Variants in DPP7 observed in about 807,000 individuals in gnomAD.
DPP7 encodes the protein dipeptidyl peptidase 2.
A neutral mutation model predicts 58.8 loss-of-function variants in DPP7; 74 were observed. That is an observed-to-expected ratio of 1.26 (90% CI 1.04 to 1.53). The LOEUF (loss-of-function observed/expected upper bound fraction) is 1.53, where lower values mean the gene tolerates loss of function less well. DPP7 is among the 40% of genes most tolerant of loss of function. The probability of loss-of-function intolerance (pLI) is 0.00; values close to 1 mark genes in which losing one functional copy is unlikely to be tolerated. For missense variants in DPP7, 807 were observed against 692.3 expected (o/e 1.17, Z -1.86); for synonymous variants, 350 against 303.6 (o/e 1.15, Z -1.59).
At position 137,112,250 on chromosome 9, in the gene DPP7, G is replaced by A; in HGVS notation, c.932-20C>T. 1 of 1,584,926 alleles carries A rather than the reference G, an allele frequency of 6.3e-7. No homozygotes were observed. The highest frequency in any genetic ancestry group is 1.1e-5 in the South Asian group (1 of 89,502). On this transcript the variant is annotated intron_variant, in intron 8 of 12. Transcript: ENST00000371579. ...CCAGCCCTGGGGAGGAGAGGCGCTG[G>A]GGCCCAGCGGCCACACACAGACACA...
upstream of DPP7, among the ~76,000 whole-genome samples, chr9:137,115,875 C>CT (rs960640609): frequency 2.0e-5 from 3 of 152,116 alleles, no homozygotes; most frequent in African/African-American, 7.2e-5. Context: ...CCGGGGCCCC[C>CT]GCAGGACGGG....
rs751927473 is a variant in DPP7, at chr9:137,112,150, A to T, written c.1012T>A (p.Cys338Ser). ...GCCCTGGCGTCGGGGCCGGTGCCGC[A>T]GCCAGTGGGGTCAGCACAGCTGTGG... ...LYHSCADPTGCGTGPDARAWD... is the reference protein window; with the variant it reads ...LYHSCADPTGSGTGPDARAWD... Residue 338 changes from cysteine to serine, a missense_variant, in exon 9 of 13, where the codon TGC becomes AGC. Around this residue, in one of 3 missense-constraint regions of DPP7, gnomAD observed 624 missense variants for 531.2 expected, o/e 1.17. Transcript: ENST00000371579. 2 of 1,610,268 alleles carry T rather than the reference A, an allele frequency of 1.2e-6. No individual in the cohort carries two copies. Among genetic ancestry groups the T allele is most frequent in the South Asian group, 2.2e-5 (2 of 91,054 alleles).
chr9:137,116,319 CAT>C (rs1019434714), upstream of DPP7, among the ~76,000 whole-genome samples: 2 of 152,212 alleles, frequency 1.3e-5, no homozygotes, highest in Admixed American at 1.3e-4. Flanking sequence ...CCCACAGAAA[CAT>C]ATGCTGTATG....
At position 137,114,504 on chromosome 9, in the gene DPP7, C is replaced by T; in HGVS notation, c.140G>A (p.Arg47His). 1.9e-6 allele frequency: 3 copies of T among 1,585,042 alleles called. No individual in the cohort carries two copies. The highest frequency in any genetic ancestry group is 1.9e-4 in the Middle Eastern group (1 of 5,148). Residue 47 changes from arginine (R) to histidine (H), a missense_variant, in exon 2 of 13, where the codon CGC (arginine) becomes CAC (histidine). By Grantham distance (29) the Arg-to-His change is conservative (BLOSUM62 0). Around this residue, in one of 3 missense-constraint regions of DPP7, gnomAD observed 168 missense variants for 124.1 expected, o/e 1.35. Coordinates refer to ENST00000371579, the MANE Select transcript of DPP7 (RefSeq NM_013379.3). The part of the protein sequence containing the change: ...QQRLDHFNFE[R>H]FGNKTFPQRF... Reference sequence around the variant, plus strand: ...CTGAGGGAAGGTCTTGTTGCCGAAGCGCTCGAAGTTGAAGTGGTCCAGACG... The same window carrying T: ...CTGAGGGAAGGTCTTGTTGCCGAAGTGCTCGAAGTTGAAGTGGTCCAGACG...
rs1260966051 is a variant in DPP7, at chr9:137,113,853, G to T, written c.485+12C>A. The T allele has an allele frequency of 6.6e-7, 1 of 1,505,206 alleles. No individual in the cohort carries two copies. Among genetic ancestry groups the T allele is most frequent in the Non-Finnish European group, 8.9e-7 (1 of 1,127,788 alleles). 93.2% of individuals were successfully genotyped at this position (1,505,206 alleles called of 1,614,324 possible). A position where few individuals can be genotyped will look rare whatever the true frequency, so the allele number is the denominator to read the frequency against. On this transcript the variant is annotated intron_variant, in intron 4 of 12. Coordinates refer to ENST00000371579, the MANE Select transcript of DPP7 (RefSeq NM_013379.3). ...GGAGGGAGGGGGTGCGGAGGCCGGGGGAGGCGCCCACCTTCCACCGAAGGC... is the reference window on the plus strand; with the variant it reads ...GGAGGGAGGGGGTGCGGAGGCCGGGTGAGGCGCCCACCTTCCACCGAAGGC...
chr9:137,113,439 C>T lies in DPP7; in HGVS notation c.543G>A (p.Gly181=). 2 of 1,604,856 alleles carry T rather than the reference C, an allele frequency of 1.2e-6. No individual in the cohort carries two copies. Among genetic ancestry groups the T allele is most frequent in the Non-Finnish European group, 8.5e-7 (1 of 1,174,600 alleles). The part of the protein sequence containing the change: ...LRMKYPHLVA[G]ALAASAPVLA... ...GAACGGGCGCGCTGGCCGCCAGCGC[C>T]CCCGCCACCAGGTGGGGATACTTCA... The change falls in exon 5 of 13, where the codon GGG becomes GGA. Residue 181 remains glycine (G), a synonymous_variant. Coordinates refer to ENST00000371579, the MANE Select transcript of DPP7 (RefSeq NM_013379.3).
chr9:137,110,982 A>G (rs780224366), intron 11 of DPP7, 32 bp from the exon 12 acceptor site: 1 of 1,608,030 alleles, frequency 6.2e-7, no homozygotes, highest in South Asian at 1.1e-5. Flanking sequence ...CCATCAGGTG[A>G]GGAACGAGGC....
Position 137,110,610 on chromosome 9 carries a change from A to T in DPP7, c.*38T>A, listed in dbSNP as rs199555646. 8.2e-6 allele frequency: 13 copies of T among 1,589,530 alleles called. No individual in the cohort carries two copies. The East Asian group carries it at 2.9e-4, about 36-fold the overall frequency. On this transcript the variant is annotated 3_prime_UTR_variant, in exon 13 of 13. Coordinates refer to ENST00000371579, the MANE Select transcript of DPP7 (RefSeq NM_013379.3). ...CGCCAGCTGCTTGAGTGAAGCCCCC[A>T]CTCCATGAGGAGCCTTGAGACCCCT...
Position 137,114,642 on chromosome 9 carries a change from C to A in DPP7, c.67+5G>T. ...GGGAATGGGCCGGGGGGCGCCGCCA[C>A]TCACCCCCCGCCTGGAGGCCGCGCA... On this transcript the variant is annotated splice_donor_5th_base_variant and intron_variant, in intron 1 of 12. Coordinates refer to ENST00000371579, the MANE Select transcript of DPP7 (RefSeq NM_013379.3). The A allele has an allele frequency of 6.5e-6, 9 of 1,390,614 alleles. No individual in the cohort carries two copies. Among genetic ancestry groups the A allele is most frequent in the Non-Finnish European group, 8.4e-6 (9 of 1,073,264 alleles). 86.1% of individuals were successfully genotyped at this position (1,390,614 alleles called of 1,614,324 possible). A position where few individuals can be genotyped will look rare whatever the true frequency, so the allele number is the denominator to read the frequency against.
intron 8 of DPP7, chr9:137,112,544 G>A: frequency 1.4e-6 from 1 of 713,684 alleles, no homozygotes. Context: ...CCTGGCTACA[G>A]CCAGTGCTGA....
Position 137,114,446 on chromosome 9 carries a change from C to CG in DPP7, c.181+16dup. 1 of 1,558,436 alleles carries CG rather than the reference C, an allele frequency of 6.4e-7. No homozygotes were observed. The highest frequency in any genetic ancestry group is 8.7e-7 in the Non-Finnish European group (1 of 1,152,098). On this transcript the variant is annotated intron_variant, in intron 2 of 12. Transcript: ENST00000371579. ...GGCGGGACGGCGGGGGCGGCCGGGCCGGGGCCGGGGTCTCACCCGACACCA... is the reference window on the plus strand; with the variant it reads ...GGCGGGACGGCGGGGGCGGCCGGGCCGGGGGCCGGGGTCTCACCCGACACCA...
At chr9:137,112,840 C>A (rs1420070822) in intron 7 of DPP7, 35 bp from the exon 8 acceptor site, 2 of 1,604,938 alleles carry the variant, frequency 1.2e-6, no homozygotes, top group Admixed American at 3.4e-5. Flanking sequence ...TCAGCGGGGT[C>A]CCCTCCACCA....
At chr9:137,116,834 G>A (rs1304302745), upstream of DPP7, among the ~76,000 whole-genome samples, 3 of 152,232 alleles carry the variant, frequency 2.0e-5, no homozygotes, top group Non-Finnish European at 2.9e-5. Flanking sequence ...ACCGCCCTGT[G>A]GCTGGAGGCG....
At chr9:137,116,699 G>A (rs1831649579), upstream of DPP7, among the ~76,000 whole-genome samples, 1 of 152,230 alleles carries the variant, frequency 6.6e-6, no homozygotes, top group Non-Finnish European at 1.5e-5. Context: ...GAGGATTAGT[G>A]AAAGAGGGAG....
rs1351577704 is a variant in DPP7, at chr9:137,113,596, T to C, written c.486-100A>G. 2.7e-6 allele frequency: 4 copies of C among 1,454,986 alleles called. No individual in the cohort carries two copies. In the Admixed American group the frequency reaches 8.1e-5, roughly 29 times the overall value. The allele number at this position is 1,454,986 out of a possible 1,614,324, so 90.1% of individuals were successfully genotyped here. A position where few individuals can be genotyped will look rare whatever the true frequency, so the allele number is the denominator to read the frequency against. On this transcript the variant is annotated intron_variant, in intron 4 of 12. Coordinates refer to ENST00000371579, the MANE Select transcript of DPP7 (RefSeq NM_013379.3). ...GGTGCCACAAGGAGGACGACACTTC[T>C]GAGACCCACAAATTCCAACCCTGGG...
At position 137,111,692 on chromosome 9, in the gene DPP7, C is replaced by A; in HGVS notation, c.1270G>T (p.Gly424Trp). 2 of 1,613,566 alleles carry A rather than the reference C, an allele frequency of 1.2e-6. No individual in the cohort carries two copies. Among genetic ancestry groups the A allele is most frequent in the Non-Finnish European group, 1.7e-6 (2 of 1,179,982 alleles). Reference protein sequence around the residue: ...NGNLDPWAGGGIRRNLSASVI... With the variant: ...NGNLDPWAGGWIRRNLSASVI... ...ATAGGGCCCAGGCCAGGACTCACCCCGCCCCCTGCCCAGGGGTCCAGGTTC... is the reference window on the plus strand; with the variant it reads ...ATAGGGCCCAGGCCAGGACTCACCCAGCCCCCTGCCCAGGGGTCCAGGTTC... Residue 424 changes from glycine to tryptophan, a missense_variant and splice_region_variant, in exon 11 of 13, where the codon GGG (glycine) becomes TGG (tryptophan). Transcript: ENST00000371579.
At position 137,110,859 on chromosome 9, in the gene DPP7, CCAG is replaced by C. The variant is rs1202923118; in HGVS notation, c.1343+18_1343+20del. ...TGTCCCGCCCGACCCGCGACCACCG[CCAG>C]GCCACCTCCCTCCGCACCTGAGGTC... On this transcript the variant is annotated intron_variant, in intron 12 of 12. Coordinates refer to ENST00000371579, the MANE Select transcript of DPP7 (RefSeq NM_013379.3). 6.2e-7 allele frequency: 1 copy of C among 1,608,962 alleles called. No homozygotes were observed. The highest frequency in any genetic ancestry group is 1.3e-5 in the African/African-American group (1 of 74,880).
chr9:137,113,989 T>C lies in DPP7; in HGVS notation c.361A>G (p.Thr121Ala). 1 of 1,572,362 alleles carries C rather than the reference T, an allele frequency of 6.4e-7. No homozygotes were observed. Among genetic ancestry groups the C allele is most frequent in the Non-Finnish European group, 8.6e-7 (1 of 1,162,964 alleles). The change falls in exon 4 of 13, where the codon ACG becomes GCG. Residue 121 changes from threonine to alanine, a missense_variant. By Grantham distance (58) the Thr-to-Ala change is moderately conservative. Coordinates refer to ENST00000371579, the MANE Select transcript of DPP7 (RefSeq NM_013379.3). ...AGCAGCTCCGTGTGCCCGCGCTGCG[T>C]GGACTGCGCACCGAACGGCAGCGAC... ...GKSLPFGAQS[T>A]QRGHTELLTV...
Position 137,111,917 on chromosome 9 carries a change from A to G in DPP7, c.1163T>C (p.Val388Ala), listed in dbSNP as rs573099531. ...RQRYCLDTWGVWPRPDWLLTS... is the reference protein window; with the variant it reads ...RQRYCLDTWGAWPRPDWLLTS... ...CAGCAGCCAGTCGGGCCGGGGCCAC[A>G]CGCCCCAGGTGTCCAGGCAGTACCG... The change falls in exon 10 of 13, where the codon GTG (valine) becomes GCG (alanine). Residue 388 changes from valine to alanine, a missense_variant. By Grantham distance (64) the Val-to-Ala change is moderately conservative. Around this residue, in one of 3 missense-constraint regions of DPP7, gnomAD observed 624 missense variants for 531.2 expected, o/e 1.17. Coordinates refer to ENST00000371579, the MANE Select transcript of DPP7 (RefSeq NM_013379.3). 1 of 1,588,508 alleles carries G rather than the reference A, an allele frequency of 6.3e-7. No homozygotes were observed. The highest frequency in any genetic ancestry group is 1.1e-5 in the South Asian group (1 of 90,552).
Sources: allele counts gnomAD v4.1 joint callset (sites outside exome capture counted in the v4.1 genomes callset), GRCh38; gene constraint gnomAD v4.1.1; regional missense constraint gnomAD v4.1.1; transcripts MANE v1.5; gene names NCBI Gene and HGNC (gene_info 2026-07-23, HGNC 2026-07-21).